The following HNRNPUL1 variants were observed in gnomAD, a reference collection of about 807,000 sequenced individuals.
The protein encoded by HNRNPUL1 is heterogeneous nuclear ribonucleoprotein U like 1.
Under a neutral mutation model 108.5 loss-of-function variants are expected in HNRNPUL1, and 14 were observed. The ratio of observed to expected loss-of-function variants is 0.13; its 90% CI spans 0.09 to 0.20. The LOEUF (loss-of-function observed/expected upper bound fraction) is 0.20, where lower values mean the gene tolerates loss of function less well. Among genes scored for constraint, HNRNPUL1 ranks in the 10% least tolerant of loss-of-function variants. The probability of loss-of-function intolerance (pLI) is 1.00; values close to 1 mark genes in which losing one functional copy is unlikely to be tolerated. For synonymous variants in HNRNPUL1, 422 were observed against 445.2 expected, an observed-to-expected ratio of 0.95 and a Z score of 0.66; for missense variants, 804 against 1,168.3, an observed-to-expected ratio of 0.69 and a Z score of 4.55.
upstream of HNRNPUL1, chr19:41,264,354 G>GA (rs1472385652): frequency 6.7e-5 from 38 of 569,030 alleles, no homozygotes; most frequent in East Asian, 8.9e-4. Flanking sequence ...AGTGAGGGGG[G>GA]AGGCGGTGGC....
intron 3 of HNRNPUL1, among the ~76,000 whole-genome samples, chr19:41,273,070 C>G (rs1470309304): frequency 6.6e-6 from 1 of 152,162 alleles, no homozygotes; most frequent in African/African-American, 2.4e-5. Flanking sequence ...GACATGGATC[C>G]CACCTCATAT....
intron 10 of HNRNPUL1, among the ~76,000 whole-genome samples, chr19:41,300,243 G>A (rs2037125524): frequency 6.6e-6 from 1 of 152,020 alleles, no homozygotes. Flanking sequence ...TATAAGGACT[G>A]GCCAAGGTAT....
At position 41,302,953 on chromosome 19, in the gene HNRNPUL1, A is replaced by T; in HGVS notation, c.1972+4A>T. 6.6e-7 allele frequency: 1 copy of T among 1,522,322 alleles called. No homozygotes were observed. Among genetic ancestry groups the T allele is most frequent in the Non-Finnish European group, 8.8e-7 (1 of 1,137,208 alleles). The allele number at this position is 1,522,322 out of a possible 1,614,324, so 94.3% of individuals were successfully genotyped here. The stretch of plus-strand genomic sequence containing the variant: ...GGAGGAGGCAACTACCGAGGAGGTG[A>T]GACATCTCACACACAGCACTCTCCA... On this transcript the variant is annotated splice_donor_region_variant and intron_variant, in intron 12 of 14. Transcript: ENST00000392006.
intron 5 of HNRNPUL1, among the ~76,000 whole-genome samples, chr19:41,278,720 A>G (rs1314135697): frequency 3.3e-5 from 5 of 152,094 alleles, no homozygotes; most frequent in Non-Finnish European, 5.9e-5. Context: ...AAGTGTTGGG[A>G]TTACAGGTGT....
intron 13 of HNRNPUL1, among the ~76,000 whole-genome samples, chr19:41,305,089 G>T (rs1360981347): frequency 7.2e-5 from 11 of 152,190 alleles, no homozygotes; most frequent in Non-Finnish European, 8.8e-5. Context: ...GGACTAGGCA[G>T]ACCTGGGGTC....
intron 10 of HNRNPUL1, among the ~76,000 whole-genome samples, chr19:41,297,911 T>C (rs2036983148): frequency 6.6e-6 from 1 of 152,186 alleles, no homozygotes; most frequent in Admixed American, 6.5e-5. Context: ...AGGATGTTTC[T>C]TTCCTTCATC....
At chr19:41,300,692 T>C (rs1045939850) in intron 10 of HNRNPUL1, among the ~76,000 whole-genome samples, 1 of 152,190 alleles carries the variant, frequency 6.6e-6, no homozygotes. Context: ...CCGATGTTGT[T>C]ACTGCTCTCA....
intron 3 of HNRNPUL1, among the ~76,000 whole-genome samples, chr19:41,273,450 G>A (rs562293551): frequency 2.4e-4 from 37 of 152,194 alleles, no homozygotes; most frequent in South Asian, 1.0e-3. Flanking sequence ...CTTTTTTAGC[G>A]TTTTGGTAGG....
rs368632027 is a variant in HNRNPUL1 at position 41,273,713 on chromosome 19, A to AT, written c.573-269_573-268insT. Among the ~76,000 whole-genome samples the AT allele has an allele frequency of 5.3e-3, 803 of 152,332 alleles. 6 individuals carry two copies. The highest frequency in any genetic ancestry group is 0.015 in the African/African-American group (618 of 41,572). ...GATCAGAATCTTTGGGTGTAAAAAAAGAGTGAAAAAATTCCCTAAATGATT... is the reference window on the plus strand; with the variant it reads ...GATCAGAATCTTTGGGTGTAAAAAAATGAGTGAAAAAATTCCCTAAATGATT... On this transcript the variant is annotated intron_variant, in intron 3 of 14. Transcript: ENST00000392006.
At chr19:41,289,166 C>A (rs948441446) in intron 7 of HNRNPUL1, among the ~76,000 whole-genome samples, 1 of 152,194 alleles carries the variant, frequency 6.6e-6, no homozygotes, top group Non-Finnish European at 1.5e-5. Flanking sequence ...TTGACTCTTG[C>A]TTCAACCAGA....
Position 41,301,641 on chromosome 19 carries a change from A to G in HNRNPUL1, c.1624A>G (p.Thr542Ala). 1.2e-6 allele frequency: 2 copies of G among 1,614,162 alleles called. No homozygotes were observed. The highest frequency in any genetic ancestry group is 8.5e-7 in the Non-Finnish European group (1 of 1,180,012). Reference sequence around the variant, plus strand: ...CACTGACGAGGACCTAAAAGACCGAACAATAAAGCGAACCGACGAGGAAGG... The same window carrying G: ...CACTGACGAGGACCTAAAAGACCGAGCAATAAAGCGAACCGACGAGGAAGG... ...CPTDEDLKDR[T>A]IKRTDEEGKD... The change falls in exon 11 of 15, where the codon ACA becomes GCA. Residue 542 changes from threonine to alanine, a missense_variant. Physicochemically the swap from Thr to Ala is moderately conservative, Grantham distance 58 (BLOSUM62 0). Coordinates refer to ENST00000392006, the MANE Select transcript of HNRNPUL1 (RefSeq NM_007040.6).
chr19:41,273,259 C>T lies in HNRNPUL1; in HGVS notation c.573-723C>T, dbSNP rs564111078. Among the ~76,000 whole-genome samples the T allele has an allele frequency of 3.7e-4, 56 of 152,292 alleles. 2 individuals are homozygous for T. In the South Asian group the frequency reaches 9.9e-3, roughly 27 times the overall value. On this transcript the variant is annotated intron_variant, in intron 3 of 14. Coordinates refer to ENST00000392006, the MANE Select transcript of HNRNPUL1 (RefSeq NM_007040.6). The stretch of plus-strand genomic sequence containing the variant: ...CTGGCCTGGCGAGGCCAGAGGGGCC[C>T]TCCACCAGAGGGAAGCCTGCTGCTG...
intron 5 of HNRNPUL1, among the ~76,000 whole-genome samples, chr19:41,277,108 A>T (rs1055073664): frequency 6.7e-6 from 1 of 150,192 alleles, no homozygotes; most frequent in Non-Finnish European, 1.5e-5. Flanking sequence ...AAAAAAAAAA[A>T]CAAAAAAACA....
chr19:41,279,050 C>CTG, intron 5 of HNRNPUL1, 27 bp from the exon 6 acceptor site: 1 of 1,569,424 alleles, frequency 6.4e-7, no homozygotes, highest in Non-Finnish European at 8.8e-7. Flanking sequence ...AGAAGCAACC[C>CTG]TGAGCCCTTT....
At chr19:41,282,177 TTTTA>T (rs576777367) in intron 7 of HNRNPUL1, among the ~76,000 whole-genome samples, 5 of 152,260 alleles carry the variant, frequency 3.3e-5, no homozygotes, top group East Asian at 3.9e-4. Flanking sequence ...CCTTCTTCTT[TTTTA>T]TTTATTTATT....
intron 2 of HNRNPUL1, among the ~76,000 whole-genome samples, chr19:41,270,607 T>TTG (rs1469994469): frequency 6.8e-6 from 1 of 147,826 alleles, no homozygotes. Flanking sequence ...TTTTTTTTTT[T>TTG]TTTTTTGAGA....
Position 41,264,398 on chromosome 19 carries a change from TG to T in HNRNPUL1, c.-103del. 1 of 991,032 alleles carries T rather than the reference TG, an allele frequency of 1.0e-6. No homozygotes were observed. The highest frequency in any genetic ancestry group is 1.3e-6 in the Non-Finnish European group (1 of 756,302). The allele number at this position is 991,032 out of a possible 1,614,324, so 61.4% of individuals were successfully genotyped here. ...TTTTGAGCCGCTGCCGCCATTGGAG[TG>T]GGCCCCCCCCCTTTCCCCCTTCGCC... On this transcript the variant is annotated 5_prime_UTR_variant, in exon 1 of 15. Transcript: ENST00000392006.
At chr19:41,284,759 C>T (rs941044799) in intron 7 of HNRNPUL1, among the ~76,000 whole-genome samples, 14 of 151,596 alleles carry the variant, frequency 9.2e-5, no homozygotes, top group Admixed American at 7.9e-4. Context: ...GCACTTTGGG[C>T]GGCCAAGGAG....
intron 10 of HNRNPUL1, among the ~76,000 whole-genome samples, chr19:41,301,069 CT>C (rs2037183250): frequency 6.6e-6 from 1 of 152,170 alleles, no homozygotes; most frequent in Non-Finnish European, 1.5e-5. Flanking sequence ...TAATACAATT[CT>C]TTTTGTGTAA....
Sources: gnomAD v4.1 joint callset for allele counts (sites outside exome capture counted in the v4.1 genomes callset) on GRCh38, gnomAD v4.1.1 for gene constraint, MANE v1.5 for transcripts, NCBI Gene and HGNC (gene_info 2026-07-23, HGNC 2026-07-21) for gene names.